Variants in PDSS1 observed in about 807,000 individuals in gnomAD.
PDSS1 encodes the protein all trans-polyprenyl-diphosphate synthase PDSS1.
Under a neutral mutation model 57.5 loss-of-function variants are expected in PDSS1, and 43 were observed. That is an observed-to-expected ratio of 0.75 (90% CI 0.59 to 0.96). PDSS1 has a LOEUF of 0.96. Ranked by LOEUF, PDSS1 falls within the 50% of genes least tolerant of loss-of-function variation. PDSS1 has a pLI of 0.00. For synonymous variants in PDSS1, 175 were observed against 191.3 expected (o/e 0.91, Z 0.70); for missense variants, 438 against 527.8 (o/e 0.83, Z 1.67).
chr10:26,715,959 G>A (rs547390848), intron 5 of PDSS1: 11 of 152,302 alleles, frequency 7.2e-5, no homozygotes, highest in African/African-American at 2.2e-4. Context: ...TATATCCACA[G>A]CTAAATCTGA....
At chr10:26,727,728 G>A (rs1157262280) in intron 8 of PDSS1, among the ~76,000 whole-genome samples, 1 of 151,832 alleles carries the variant, frequency 6.6e-6, no homozygotes, top group Non-Finnish European at 1.5e-5. Context: ...TGCCAGTTGT[G>A]AACTGTTATA....
Position 26,708,905 on chromosome 10 carries a change from C to T in PDSS1, c.337-733C>T, listed in dbSNP as rs189725892. On this transcript the variant is annotated intron_variant, in intron 4 of 11. Coordinates refer to ENST00000376215, the MANE Select transcript of PDSS1 (RefSeq NM_014317.5). ...ACCCGCCTGACCTGCTTCACAGGCT[C>T]CCGACGGCCACTGGCTTCCACCTTC... Among the ~76,000 whole-genome samples the T allele has an allele frequency of 4.0e-3, 610 of 152,328 alleles. 7 individuals carry two copies. Among genetic ancestry groups the T allele is most frequent in the African/African-American group, 0.014 (587 of 41,572 alleles).
intron 1 of PDSS1, 99 bp from the exon 2 acceptor site, chr10:26,702,063 G>A (rs773710621): frequency 2.5e-5 from 11 of 436,338 alleles, no homozygotes; most frequent in African/African-American, 1.2e-4. Flanking sequence ...AAGCCCCTTC[G>A]TTTTGGCCAA....
Position 26,724,104 on chromosome 10 carries a change from TAG to T in PDSS1, c.813_814del (p.Ala272GlnfsTer4), listed in dbSNP as rs1835877637. The T allele has an allele frequency of 6.2e-7, 1 of 1,610,536 alleles. No homozygotes were observed. The highest frequency in any genetic ancestry group is 1.1e-5 in the South Asian group (1 of 91,024). ...ACATTCAAGAAGACCGCCAGCCTGA[TAG>T]CCAACAGTTGTAAAGCAGTATGTAC... On this transcript the variant is annotated frameshift_variant, in exon 8 of 12. Transcript: ENST00000376215. LOFTEE classifies it high-confidence loss of function.
At position 26,741,686 on chromosome 10, in the gene PDSS1, C is replaced by CA. The variant is rs201825903; in HGVS notation, c.1027-810dup. Among the ~76,000 whole-genome samples the CA allele has an allele frequency of 1.7e-4, 26 of 152,166 alleles. No individual in the cohort carries two copies. In the East Asian group the frequency reaches 4.1e-3, roughly 24 times the overall value. ...AACTTAGAGTAGAATGCCTAATTCC[C>CA]ATCCTCATCCTAGGCCAGTGACTCT... On this transcript the variant is annotated intron_variant, in intron 10 of 11. Coordinates refer to ENST00000376215, the MANE Select transcript of PDSS1 (RefSeq NM_014317.5).
chr10:26,744,579 C>T (rs1253971820), intron 11 of PDSS1, among the ~76,000 whole-genome samples: 1 of 151,848 alleles, frequency 6.6e-6, no homozygotes, highest in African/African-American at 2.4e-5. Context: ...TTAGTGGAGA[C>T]GGGGTTTCAC....
intron 11 of PDSS1, among the ~76,000 whole-genome samples, chr10:26,745,725 T>C (rs915327866): frequency 6.6e-6 from 1 of 152,052 alleles, no homozygotes; most frequent in Non-Finnish European, 1.5e-5. Flanking sequence ...CACGCGCCTG[T>C]AGTCCCAGCT....
At position 26,723,906 on chromosome 10, in the gene PDSS1, A is replaced by AT. The variant is rs1352194531; in HGVS notation, c.713dup (p.Leu238PhefsTer5). 1.2e-6 allele frequency: 2 copies of AT among 1,609,328 alleles called. No homozygotes were observed. The highest frequency in any genetic ancestry group is 2.7e-5 in the African/African-American group (2 of 74,828). ...TCTATTTTAACCCAAGTTATTGAAGATTTGGTGCGTGGTACGTTGATTCTG... is the reference window on the plus strand; with the variant it reads ...TCTATTTTAACCCAAGTTATTGAAGATTTTGGTGCGTGGTACGTTGATTCTG... On this transcript the variant is annotated frameshift_variant, in exon 7 of 12. Coordinates refer to ENST00000376215, the MANE Select transcript of PDSS1 (RefSeq NM_014317.5). LOFTEE classifies it high-confidence loss of function.
intron 8 of PDSS1, among the ~76,000 whole-genome samples, chr10:26,725,839 A>G (rs1004959678): frequency 1.3e-5 from 2 of 152,124 alleles, no homozygotes; most frequent in Non-Finnish European, 2.9e-5. Context: ...ATTTAGGGAG[A>G]CTGAGGCGGA....
In PDSS1 at chr10:26,742,565, G is replaced by C. The variant is rs1398074206; in HGVS notation, c.1095G>C (p.Gln365His). 3.7e-6 allele frequency: 6 copies of C among 1,604,482 alleles called. No homozygotes were observed. The highest frequency in any genetic ancestry group is 4.3e-6 in the Non-Finnish European group (5 of 1,171,810). ...SLPGDVDRAR[Q>H]YVLQSDGVQQ... ...CTGGAGATGTAGACAGAGCTCGACA[G>C]TATGTACTACAGGTAAGACTGTTTT... Residue 365 changes from glutamine (Q) to histidine (H), a missense_variant, in exon 11 of 12, where the codon CAG becomes CAC. Around this residue, in one of 2 missense-constraint regions of PDSS1, gnomAD observed 284 missense variants for 390.7 expected, o/e 0.73. Coordinates refer to ENST00000376215, the MANE Select transcript of PDSS1 (RefSeq NM_014317.5).
rs138469089 is a variant in PDSS1 at position 26,705,338 on chromosome 10, G to A, written c.280G>A (p.Asp94Asn). ...AACACACAGTGGTGAAAAATACACC[G>A]ATCCTTTCAAACTCGGTTGGAGAGA... ...SKTHSGEKYTDPFKLGWRDLK... is the reference protein window; with the variant it reads ...SKTHSGEKYTNPFKLGWRDLK... The change falls in exon 4 of 12, where the codon GAT becomes AAT. Residue 94 changes from aspartate (D) to asparagine (N), a missense_variant. Coordinates refer to ENST00000376215, the MANE Select transcript of PDSS1 (RefSeq NM_014317.5). 1.5e-5 allele frequency: 25 copies of A among 1,612,988 alleles called. No homozygotes were observed. The highest frequency in any genetic ancestry group is 2.2e-5 in the East Asian group (1 of 44,826).
At chr10:26,733,862 T>C (rs758949713) in intron 8 of PDSS1, among the ~76,000 whole-genome samples, 13 of 152,042 alleles carry the variant, frequency 8.6e-5, no homozygotes, top group Non-Finnish European at 1.3e-4. Context: ...TAGTCCCAGC[T>C]ACTCAGGAGA....
At chr10:26,729,113 A>G (rs998720168) in intron 8 of PDSS1, among the ~76,000 whole-genome samples, 3 of 152,048 alleles carry the variant, frequency 2.0e-5, no homozygotes, top group Non-Finnish European at 2.9e-5. Flanking sequence ...TAACACTGTC[A>G]TTATTTTAAT....
intron 1 of PDSS1, chr10:26,701,752 C>T (rs1414633215): frequency 2.2e-6 from 1 of 451,410 alleles, no homozygotes; most frequent in Non-Finnish European, 4.4e-6. Context: ...ACACGGAGTC[C>T]CTGCTGGGGC....
intron 1 of PDSS1, 106 bp downstream of exon 1, chr10:26,697,946 GGC>G: frequency 9.4e-7 from 1 of 1,059,274 alleles, no homozygotes; most frequent in Non-Finnish European, 1.2e-6. Context: ...GCGACGCGGG[GGC>G]GCGCGGGGTA....
Position 26,718,464 on chromosome 10 carries a change from A to G in PDSS1, c.468-1754A>G, listed in dbSNP as rs1835672503. 3.3e-5 allele frequency among the ~76,000 whole-genome samples: 5 copies of G among 152,142 alleles called. No individual in the cohort carries two copies. In the South Asian group the frequency reaches 8.3e-4, roughly 25 times the overall value. On this transcript the variant is annotated intron_variant, in intron 5 of 11. Transcript: ENST00000376215. Reference sequence around the variant, plus strand: ...CATATTAAGAAGTTGTAACTGAAATATTAATAAAGAATGAGGCCAGGCGTG... The same window carrying G: ...CATATTAAGAAGTTGTAACTGAAATGTTAATAAAGAATGAGGCCAGGCGTG...
At chr10:26,741,025 C>A (rs1005478754) in intron 10 of PDSS1, among the ~76,000 whole-genome samples, 1 of 148,348 alleles carries the variant, frequency 6.7e-6, no homozygotes, top group African/African-American at 2.6e-5. Context: ...CTCTAGTAAC[C>A]TGTTTGTTCT....
intron 4 of PDSS1, among the ~76,000 whole-genome samples, chr10:26,705,816 GT>G (rs1436628275): frequency 6.6e-6 from 1 of 152,176 alleles, no homozygotes; most frequent in Non-Finnish European, 1.5e-5. Context: ...GTATGGTCAA[GT>G]TTCAAATGTT....
chr10:26,704,885 C>A lies in PDSS1; in HGVS notation c.227+144C>A. ...CTGCTGGCCTCAAGCTATCCTCCCA[C>A]CCTCAGGTTCCCAAAGTGCTGGGAT... On this transcript the variant is annotated intron_variant, in intron 3 of 11. Coordinates refer to ENST00000376215, the MANE Select transcript of PDSS1 (RefSeq NM_014317.5). 7.8e-6 allele frequency: 5 copies of A among 640,746 alleles called. No homozygotes were observed. In the South Asian group the frequency reaches 9.0e-5, roughly 12 times the overall value. 39.7% of individuals were successfully genotyped at this position (640,746 alleles called of 1,614,324 possible).
Sources: gnomAD v4.1 joint callset for allele counts (sites outside exome capture counted in the v4.1 genomes callset) on GRCh38, gnomAD v4.1.1 for gene constraint, gnomAD v4.1.1 regional missense constraint, MANE v1.5 for transcripts, NCBI Gene and HGNC (gene_info 2026-07-23, HGNC 2026-07-21) for gene names.